Variants in PCDH15 observed in about 807,000 individuals in gnomAD.
The protein encoded by PCDH15 is protocadherin related 15.
Under a neutral mutation model 178.5 loss-of-function variants are expected in PCDH15, and 129 were observed. The observed-to-expected ratio is 0.72, with a 90% CI of 0.63 to 0.84. The LOEUF is 0.84. Ranked by LOEUF, PCDH15 falls within the 40% of genes least tolerant of loss-of-function variation. The probability of loss-of-function intolerance (pLI) is 0.00; values close to 1 mark genes in which losing one functional copy is unlikely to be tolerated. For missense variants in PCDH15, 2,230 were observed against 2,099.9 expected (o/e 1.06, Z -1.21); for synonymous variants, 800 against 732.0 (o/e 1.09, Z -1.50).
chr10:54,348,432 T>C (rs1315805427), intron 5 of PCDH15, among the ~76,000 whole-genome samples: 1 of 152,168 alleles, frequency 6.6e-6, no homozygotes, highest in Non-Finnish European at 1.5e-5. Flanking sequence ...GTAGAAATGT[T>C]AGTCAGCTAA....
At chr10:55,391,246 T>C (rs896898184) in intron 2 of PCDH15, among the ~76,000 whole-genome samples, 1 of 130,938 alleles carries the variant, frequency 7.6e-6, no homozygotes, top group Non-Finnish European at 1.6e-5. Context: ...CAGAGACAGC[T>C]TTTTTTTTTT....
At chr10:55,216,247 G>A (rs909885444) in intron 1 of PCDH15, among the ~76,000 whole-genome samples, 1 of 151,918 alleles carries the variant, frequency 6.6e-6, no homozygotes, top group Admixed American at 6.6e-5. Flanking sequence ...TCATATTTGG[G>A]TCTGAAATAA....
At chr10:55,425,581 C>T (rs1256192511) in intron 2 of PCDH15, among the ~76,000 whole-genome samples, 2 of 151,828 alleles carry the variant, frequency 1.3e-5, no homozygotes, top group Non-Finnish European at 2.9e-5. Context: ...TATTGCTAAT[C>T]TAATGTAAAA....
chr10:54,225,985 C>T (rs1171222043), intron 9 of PCDH15, among the ~76,000 whole-genome samples: 1 of 151,918 alleles, frequency 6.6e-6, no homozygotes, highest in African/African-American at 2.4e-5. Context: ...AGAAACAAAA[C>T]AAATAGGCTA....
At chr10:54,173,333 T>C (rs2047098181) in intron 13 of PCDH15, among the ~76,000 whole-genome samples, 1 of 152,198 alleles carries the variant, frequency 6.6e-6, no homozygotes, top group Admixed American at 6.5e-5. Context: ...TTAAATGCTC[T>C]ACACAATAAA....
chr10:54,346,218 T>C (rs1186455534), intron 6 of PCDH15, 147 bp downstream of exon 6: 1 of 788,972 alleles, frequency 1.3e-6, no homozygotes, highest in African/African-American at 1.8e-5. Context: ...ATATTACAAA[T>C]AATTCAATTT....
intron 1 of PCDH15, among the ~76,000 whole-genome samples, chr10:54,686,041 A>ATTTTTTTTTT (rs66539612): frequency 7.9e-5 from 10 of 126,878 alleles, no homozygotes; most frequent in African/African-American, 1.8e-4. Context: ...AAGACAGCCA[A>ATTTTTTTTTT]TTTTTTTTTT....
chr10:55,615,689 G>A (rs572930575), intron 2 of PCDH15, among the ~76,000 whole-genome samples: 149 of 152,050 alleles, frequency 9.8e-4, no homozygotes, highest in African/African-American at 3.5e-3. Flanking sequence ...GCAACATAGT[G>A]GGATTCTGCT....
intron 1 of PCDH15, among the ~76,000 whole-genome samples, chr10:55,260,666 T>C (rs1842125815): frequency 6.6e-6 from 1 of 152,188 alleles, no homozygotes; most frequent in Non-Finnish European, 1.5e-5. Flanking sequence ...GAGGCAAACC[T>C]CTAGGTAATA....
intron 2 of PCDH15, among the ~76,000 whole-genome samples, chr10:55,565,713 T>C (rs1564456946): frequency 6.6e-6 from 1 of 151,642 alleles, no homozygotes. Context: ...CTATGAAAAC[T>C]TGTATGCCTA....
chr10:53,992,081 C>T lies in PCDH15; in HGVS notation c.2868+3568G>A, dbSNP rs144103601. Among the ~76,000 whole-genome samples, 662 of 151,946 alleles carry T rather than the reference C, an allele frequency of 4.4e-3. 6 individuals carry two copies. The highest frequency in any genetic ancestry group is 0.015 in the African/African-American group (632 of 41,236). On this transcript the variant is annotated intron_variant, in intron 21 of 37. Transcript: ENST00000644397. ...TAACACTTGCTGCGAAGGTCTGCAGCTTCACTCCTGAGGCCAGCGAGACCA... is the reference window on the plus strand; with the variant it reads ...TAACACTTGCTGCGAAGGTCTGCAGTTTCACTCCTGAGGCCAGCGAGACCA...
At chr10:55,547,796 G>A (rs1307306373) in intron 2 of PCDH15, among the ~76,000 whole-genome samples, 1 of 151,794 alleles carries the variant, frequency 6.6e-6, no homozygotes, top group Non-Finnish European at 1.5e-5. Flanking sequence ...TTCACTCTGA[G>A]GGAAGCCAGT....
chr10:54,735,856 G>A (rs1226266110), intron 1 of PCDH15, among the ~76,000 whole-genome samples: 1 of 118,172 alleles, frequency 8.5e-6, no homozygotes, highest in Non-Finnish European at 1.7e-5. Context: ...TCACACTCTG[G>A]GGACTGTTGT....
intron 2 of PCDH15, among the ~76,000 whole-genome samples, chr10:55,577,728 G>T (rs1842523465): frequency 6.6e-6 from 1 of 152,140 alleles, no homozygotes; most frequent in South Asian, 2.1e-4. Context: ...AAAGTCTAAT[G>T]TTAAATTCAC....
intron 2 of PCDH15, among the ~76,000 whole-genome samples, chr10:54,629,426 C>T (rs1302400210): frequency 6.6e-6 from 1 of 152,138 alleles, no homozygotes; most frequent in Non-Finnish European, 1.5e-5. Flanking sequence ...TCCTGGGAAG[C>T]AAAGTTGGTT....
At chr10:53,915,989 A>T (rs192527306) in intron 25 of PCDH15, among the ~76,000 whole-genome samples, 1 of 152,330 alleles carries the variant, frequency 6.6e-6, no homozygotes, top group Admixed American at 6.5e-5. Context: ...ACCAGAATCC[A>T]CATATACTGA....
intron 2 of PCDH15, among the ~76,000 whole-genome samples, chr10:55,390,001 A>G (rs908349093): frequency 1.3e-5 from 2 of 152,152 alleles, no homozygotes; most frequent in African/African-American, 4.8e-5. Flanking sequence ...GCAGATTACA[A>G]AGAGTTTCCT....
intron 2 of PCDH15, among the ~76,000 whole-genome samples, chr10:55,154,151 C>T (rs1299290298): frequency 1.3e-5 from 2 of 151,914 alleles, no homozygotes; most frequent in Non-Finnish European, 1.5e-5. Context: ...TTAGAGACCA[C>T]TAGGAGATAA....
chr10:53,847,858 T>C (rs2078077817), intron 28 of PCDH15, among the ~76,000 whole-genome samples: 1 of 152,116 alleles, frequency 6.6e-6, no homozygotes, highest in Non-Finnish European at 1.5e-5. Flanking sequence ...CCTTTTTTTC[T>C]GTGTGAATCA....
Sources: gnomAD v4.1 joint callset for allele counts (sites outside exome capture counted in the v4.1 genomes callset) on GRCh38, gnomAD v4.1.1 for gene constraint, MANE v1.5 for transcripts, NCBI Gene and HGNC (gene_info 2026-07-23, HGNC 2026-07-21) for gene names.